Variants in C12orf56 observed in about 807,000 individuals in gnomAD.
C12orf56 encodes the protein chromosome 12 open reading frame 56.
In C12orf56, 71 loss-of-function variants were observed where a neutral mutation model predicts 69.9. The observed-to-expected ratio is 1.02, with a 90% CI of 0.84 to 1.24. C12orf56 has a LOEUF of 1.24. Among genes scored for constraint, C12orf56 ranks in the 50% most tolerant of loss-of-function variants. C12orf56 has a pLI of 0.00. For missense variants in C12orf56, 732 were observed against 738.5 expected, an observed-to-expected ratio of 0.99 and a Z score of 0.10; for synonymous variants, 276 against 274.1, an observed-to-expected ratio of 1.01 and a Z score of -0.07.
At chr12:64,279,184 T>A (rs182759130) in intron 8 of C12orf56, among the ~76,000 whole-genome samples, 55 of 152,302 alleles carry the variant, frequency 3.6e-4, no homozygotes, top group African/African-American at 1.3e-3. Context: ...CCTCTCAAAG[T>A]GCTTGGATGA....
rs114515385 is a variant in C12orf56 at position 64,349,868 on chromosome 12, C to T, written c.415+3026G>A. ...TGACACTTTGGGAGGCCAAGGCAGGCATATCACAAGGTCAGGAATTCGAGA... is the reference window on the plus strand; with the variant it reads ...TGACACTTTGGGAGGCCAAGGCAGGTATATCACAAGGTCAGGAATTCGAGA... On this transcript the variant is annotated intron_variant, in intron 2 of 12. Transcript: ENST00000543942. Among the ~76,000 whole-genome samples the T allele has an allele frequency of 3.7e-3, 560 of 152,154 alleles. 2 individuals carry two copies. Among genetic ancestry groups the T allele is most frequent in the African/African-American group, 0.013 (546 of 41,526 alleles).
rs76592950 is a variant in C12orf56, at chr12:64,369,028, A to G, written c.253-15972T>C. 2.6e-4 allele frequency among the ~76,000 whole-genome samples: 40 copies of G among 152,222 alleles called. No individual in the cohort carries two copies. In the East Asian group the frequency reaches 7.3e-3, roughly 28 times the overall value. On this transcript the variant is annotated intron_variant, in intron 1 of 12. Coordinates refer to ENST00000543942, the MANE Select transcript of C12orf56 (RefSeq NM_001170633.2). Reference sequence around the variant, plus strand: ...CAAATCAAGAAATCTCTTAAAGATAACTACATAGGGCTCAGCATCATGGTT... The same window carrying G: ...CAAATCAAGAAATCTCTTAAAGATAGCTACATAGGGCTCAGCATCATGGTT...
rs776102442 is a variant in C12orf56, at chr12:64,271,774, C to A, written c.1585-1060G>T. On this transcript the variant is annotated intron_variant, in intron 11 of 12. Coordinates refer to ENST00000543942, the MANE Select transcript of C12orf56 (RefSeq NM_001170633.2). ...GAGAGTCTGAGGCAGTAGAACAGAACAATGTTAATTAGCCTATTTAGAAAT... is the reference window on the plus strand; with the variant it reads ...GAGAGTCTGAGGCAGTAGAACAGAAAAATGTTAATTAGCCTATTTAGAAAT... Among the ~76,000 whole-genome samples the A allele has an allele frequency of 2.6e-5, 4 of 152,144 alleles. No homozygotes were observed. In the East Asian group the frequency reaches 7.7e-4, roughly 29 times the overall value.
intron 2 of C12orf56, among the ~76,000 whole-genome samples, chr12:64,349,293 G>A (rs2039190113): frequency 6.6e-6 from 1 of 152,146 alleles, no homozygotes; most frequent in African/African-American, 2.4e-5. Context: ...AATGATCAAG[G>A]GAAAGCAAAA....
intron 6 of C12orf56, among the ~76,000 whole-genome samples, chr12:64,300,820 C>A (rs1241613598): frequency 1.3e-5 from 2 of 152,202 alleles, no homozygotes; most frequent in African/African-American, 4.8e-5. Flanking sequence ...CATCTGGATT[C>A]ATTTTCCCAG....
intron 1 of C12orf56, among the ~76,000 whole-genome samples, chr12:64,384,622 G>A (rs1201548310): frequency 1.3e-5 from 2 of 152,138 alleles, no homozygotes; most frequent in African/African-American, 4.8e-5. Flanking sequence ...TCACAAAAGG[G>A]GTGAAAGGAC....
intron 1 of C12orf56, among the ~76,000 whole-genome samples, chr12:64,377,207 T>TA (rs1305229590): frequency 7.3e-5 from 11 of 151,220 alleles, no homozygotes; most frequent in Middle Eastern, 6.8e-3. Flanking sequence ...TTTTTTTTTT[T>TA]TTTTGAGGAG....
intron 5 of C12orf56, among the ~76,000 whole-genome samples, chr12:64,308,947 G>GAAAGAAAGAAAGA (rs1565749014): frequency 1.5e-5 from 1 of 67,680 alleles, no homozygotes; most frequent in Non-Finnish European, 3.0e-5. Flanking sequence ...AAAGAAGAAA[G>GAAAGAAAGAAAGA]AAAGAAAGAA....
chr12:64,277,138 T>C (rs1382668755), intron 9 of C12orf56, among the ~76,000 whole-genome samples: 1 of 151,962 alleles, frequency 6.6e-6, no homozygotes, highest in East Asian at 1.9e-4. Context: ...AATAAACTAA[T>C]AATAAGTTGG....
intron 8 of C12orf56, among the ~76,000 whole-genome samples, chr12:64,278,648 A>G (rs1592413378): frequency 6.6e-6 from 1 of 152,166 alleles, no homozygotes; most frequent in East Asian, 1.9e-4. Flanking sequence ...TATACAGGAC[A>G]TTGCTATTAA....
intron 3 of C12orf56, among the ~76,000 whole-genome samples, chr12:64,320,388 C>A (rs1419822486): frequency 6.6e-6 from 1 of 152,144 alleles, no homozygotes; most frequent in African/African-American, 2.4e-5. Flanking sequence ...AACTCCTGGG[C>A]TCAAATGATC....
At chr12:64,332,840 A>G (rs1445192197) in intron 2 of C12orf56, among the ~76,000 whole-genome samples, 1 of 152,238 alleles carries the variant, frequency 6.6e-6, no homozygotes, top group African/African-American at 2.4e-5. Flanking sequence ...CTTAGACCCC[A>G]GAACAGGCAC....
intron 8 of C12orf56, among the ~76,000 whole-genome samples, chr12:64,280,946 T>C (rs1293062948): frequency 6.6e-6 from 1 of 152,140 alleles, no homozygotes; most frequent in East Asian, 1.9e-4. Flanking sequence ...AGCCACTAAG[T>C]TTGTGATAAT....
chr12:64,367,380 T>G (rs545752690), intron 1 of C12orf56, among the ~76,000 whole-genome samples: 1 of 146,102 alleles, frequency 6.8e-6, no homozygotes, highest in South Asian at 2.1e-4. Context: ...TTAGTTTATA[T>G]ATACAAATAT....
At chr12:64,389,599 C>T (rs1342598337) in intron 1 of C12orf56, among the ~76,000 whole-genome samples, 2 of 152,136 alleles carry the variant, frequency 1.3e-5, no homozygotes, top group Non-Finnish European at 2.9e-5. Context: ...CAGGTTCAAG[C>T]GATTCTTGTG....
chr12:64,267,489 T>C (rs1307236386), intron 12 of C12orf56: 3 of 566,608 alleles, frequency 5.3e-6, no homozygotes, highest in Non-Finnish European at 9.3e-6. Flanking sequence ...GTCCCTCCAA[T>C]CTCCCCCATT....
intron 2 of C12orf56, among the ~76,000 whole-genome samples, chr12:64,332,856 C>G: frequency 6.6e-6 from 1 of 152,200 alleles, no homozygotes; most frequent in South Asian, 2.1e-4. Context: ...GGCACCTGGG[C>G]TCCTGGTCTT....
At chr12:64,378,322 A>G (rs1246344748) in intron 1 of C12orf56, among the ~76,000 whole-genome samples, 4 of 152,228 alleles carry the variant, frequency 2.6e-5, no homozygotes, top group Non-Finnish European at 5.9e-5. Context: ...AAAAACCGGT[A>G]CATAAATTTA....
chr12:64,294,393 A>G (rs2038337097), intron 6 of C12orf56, among the ~76,000 whole-genome samples: 1 of 152,214 alleles, frequency 6.6e-6, no homozygotes, highest in Non-Finnish European at 1.5e-5. Context: ...ACCAATGTTC[A>G]TAGCTGCATT....
Sources: allele counts gnomAD v4.1 joint callset (sites outside exome capture counted in the v4.1 genomes callset), GRCh38; gene constraint gnomAD v4.1.1; transcripts MANE v1.5; gene names NCBI Gene and HGNC (gene_info 2026-07-23, HGNC 2026-07-21).